Variants in FAM184A observed in about 807,000 individuals in gnomAD.
The protein encoded by FAM184A is protein FAM184A.
Under a neutral mutation model 143.8 loss-of-function variants are expected in FAM184A, and 99 were observed. That is an observed-to-expected ratio of 0.69 (90% CI 0.58 to 0.81). The LOEUF (loss-of-function observed/expected upper bound fraction) is 0.81, where lower values mean the gene tolerates loss of function less well. FAM184A is among the 40% of genes least tolerant of loss of function. FAM184A has a pLI of 0.00. For synonymous variants in FAM184A, 427 were observed against 446.4 expected (o/e 0.96, Z 0.55); for missense variants, 1,217 against 1,310.5 (o/e 0.93, Z 1.10).
intron 6 of FAM184A, among the ~76,000 whole-genome samples, chr6:119,010,924 G>A (rs1785067825): frequency 6.6e-6 from 1 of 152,090 alleles, no homozygotes; most frequent in South Asian, 2.1e-4. Context: ...CAATGTCACA[G>A]ACTGTAATTC....
At chr6:119,107,947 G>A (rs367880317) in intron 1 of FAM184A, among the ~76,000 whole-genome samples, 1 of 152,234 alleles carries the variant, frequency 6.6e-6, no homozygotes, top group African/African-American at 2.4e-5. Flanking sequence ...TATTTATTAG[G>A]TGACAACATT....
chr6:119,109,362 T>A (rs1788870846), intron 1 of FAM184A, among the ~76,000 whole-genome samples: 1 of 152,218 alleles, frequency 6.6e-6, no homozygotes, highest in Non-Finnish European at 1.5e-5. Flanking sequence ...CACTTAAACC[T>A]CAGCCTCTCT....
Position 119,024,539 on chromosome 6 carries a change from G to C in FAM184A, c.434C>G (p.Ala145Gly). The change falls in exon 2 of 18, where the codon GCC becomes GGC. Residue 145 changes from alanine (A) to glycine (G), a missense_variant. Coordinates refer to ENST00000338891, the MANE Select transcript of FAM184A (RefSeq NM_024581.6). ...GGTCACTATGCGTTGGACATGCTGGGCTTCTGCACAAAGTTGCATGTCCTC... is the reference window on the plus strand; with the variant it reads ...GGTCACTATGCGTTGGACATGCTGGCCTTCTGCACAAAGTTGCATGTCCTC... ...RVEDMQLCAE[A>G]QHVQRIVTMS... 6.2e-7 allele frequency: 1 copy of C among 1,613,984 alleles called. No individual in the cohort carries two copies. Among genetic ancestry groups the C allele is most frequent in the Non-Finnish European group, 8.5e-7 (1 of 1,179,996 alleles).
At chr6:119,071,848 T>G (rs1009415646) in intron 1 of FAM184A, among the ~76,000 whole-genome samples, 1 of 141,604 alleles carries the variant, frequency 7.1e-6, no homozygotes, top group African/African-American at 2.5e-5. Context: ...GTCTAAAGTC[T>G]AAACCTTTAA....
Position 119,078,334 on chromosome 6 carries a change from C to A in FAM184A, c.-35G>T, listed in dbSNP as rs1008789892. 7.0e-7 allele frequency: 1 copy of A among 1,422,726 alleles called. No individual in the cohort carries two copies. The highest frequency in any genetic ancestry group is 9.1e-7 in the Non-Finnish European group (1 of 1,093,662). The allele number at this position is 1,422,726 out of a possible 1,614,324, so 88.1% of individuals were successfully genotyped here. A position where few individuals can be genotyped will look rare whatever the true frequency, so the allele number is the denominator to read the frequency against. On this transcript the variant is annotated 5_prime_UTR_variant, in exon 1 of 18. Coordinates refer to ENST00000338891, the MANE Select transcript of FAM184A (RefSeq NM_024581.6). The surrounding 1 kb of genome is among the most constrained non-coding windows in gnomAD (Gnocchi z 5.5). ...AGACCCCAGCCGGGGCACCTGTCCCCGCGGGTGGAGGCAGGCCCGTGGAGC... is the reference window on the plus strand; with the variant it reads ...AGACCCCAGCCGGGGCACCTGTCCCAGCGGGTGGAGGCAGGCCCGTGGAGC...
chr6:119,061,802 A>G (rs1787261662), intron 1 of FAM184A, among the ~76,000 whole-genome samples: 1 of 152,116 alleles, frequency 6.6e-6, no homozygotes, highest in African/African-American at 2.4e-5. Context: ...AGGGATAGGG[A>G]AAGATTTGTT....
chr6:118,979,044 G>C (rs1265110389), intron 11 of FAM184A, among the ~76,000 whole-genome samples: 1 of 152,118 alleles, frequency 6.6e-6, no homozygotes, highest in African/African-American at 2.4e-5. Flanking sequence ...AGGACATGTG[G>C]CTCCATGTCC....
intron 1 of FAM184A, among the ~76,000 whole-genome samples, chr6:119,110,256 G>C (rs112341487): frequency 6.6e-6 from 1 of 152,102 alleles, no homozygotes; most frequent in Non-Finnish European, 1.5e-5. Flanking sequence ...TGGTCTCATC[G>C]TTACAGTATG....
At chr6:118,969,937 G>T in intron 14 of FAM184A, among the ~76,000 whole-genome samples, 1 of 127,714 alleles carries the variant, frequency 7.8e-6, no homozygotes, top group Admixed American at 8.6e-5. Flanking sequence ...TTTTAAGTTG[G>T]TTCTTTAATC....
rs764635593 is a variant in FAM184A, at chr6:119,024,418, C to T, written c.555G>A (p.Leu185=). 2.5e-6 allele frequency: 4 copies of T among 1,614,164 alleles called. No homozygotes were observed. The East Asian group carries it at 6.7e-5, about 27-fold the overall frequency. Residue 185 remains leucine, a synonymous_variant, in exon 2 of 18, where the codon TTG becomes TTA. Coordinates refer to ENST00000338891, the MANE Select transcript of FAM184A (RefSeq NM_024581.6). Reference sequence around the variant, plus strand: ...GAGCAGCTTGCAAGTCTTCCAATGCCAATCGTTTGTCTTTTTCAAACTGTA... The same window carrying T: ...GAGCAGCTTGCAAGTCTTCCAATGCTAATCGTTTGTCTTTTTCAAACTGTA... ...LQVQFEKDKR[L]ALEDLQAAHR...
chr6:119,103,940 A>C (rs1270527080), intron 1 of FAM184A, among the ~76,000 whole-genome samples: 1 of 124,960 alleles, frequency 8.0e-6, no homozygotes, highest in East Asian at 3.3e-4. Flanking sequence ...AAAAAAAAAA[A>C]AAAAAAAAAG....
chr6:119,132,384 A>T (rs1324551661), intron 1 of FAM184A, among the ~76,000 whole-genome samples: 1 of 152,194 alleles, frequency 6.6e-6, no homozygotes, highest in Non-Finnish European at 1.5e-5. Context: ...GGTAAATCCT[A>T]CTAGCTGGCT....
intron 1 of FAM184A, among the ~76,000 whole-genome samples, chr6:119,129,219 A>C (rs1209024547): frequency 6.6e-6 from 1 of 152,194 alleles, no homozygotes; most frequent in Non-Finnish European, 1.5e-5. Flanking sequence ...AAATGTAAGA[A>C]AACCAAGCTG....
At chr6:119,082,228 G>GTCAC (rs764847998), upstream of FAM184A, among the ~76,000 whole-genome samples, 5 of 152,152 alleles carry the variant, frequency 3.3e-5, no homozygotes, top group Non-Finnish European at 7.4e-5. Context: ...CCTCCCAGCA[G>GTCAC]GTCCCTCCCC....
chr6:119,001,081 G>A (rs1784741771), intron 9 of FAM184A, among the ~76,000 whole-genome samples: 1 of 149,504 alleles, frequency 6.7e-6, no homozygotes, highest in Admixed American at 6.7e-5. Context: ...CCATAACGAC[G>A]TTCCATTTAA....
intron 5 of FAM184A, 146 bp downstream of exon 5, chr6:119,016,601 G>C (rs1191252708): frequency 1.5e-6 from 1 of 655,388 alleles, no homozygotes. Context: ...CTCCAGACGC[G>C]CCACCTTAAG....
At chr6:119,016,716 C>T in intron 5 of FAM184A, 31 bp downstream of exon 5, 3 of 1,540,258 alleles carry the variant, frequency 1.9e-6, no homozygotes, top group Non-Finnish European at 2.7e-6. Context: ...CATCAATTTA[C>T]AATGCAATGA....
Position 119,006,601 on chromosome 6 carries a change from TGG to T in FAM184A, c.1659_1660del (p.His554ProfsTer9). On this transcript the variant is annotated frameshift_variant, in exon 7 of 18. Transcript: ENST00000338891. LOFTEE classifies it high-confidence loss of function. ...ACTTTTCCTTACCATATCTTGGAGG[TGG>T]CCAATCTGTAAGTAAATAGAGTACT... 6.2e-7 allele frequency: 1 copy of T among 1,610,404 alleles called. No homozygotes were observed. Among genetic ancestry groups the T allele is most frequent in the Non-Finnish European group, 8.5e-7 (1 of 1,178,460 alleles).
chr6:119,014,746 C>A (rs547105250), intron 5 of FAM184A, among the ~76,000 whole-genome samples: 1 of 152,288 alleles, frequency 6.6e-6, no homozygotes, highest in Non-Finnish European at 1.5e-5. Flanking sequence ...AGAATGATTA[C>A]AAGACAGAAA....
Sources: gnomAD v4.1 joint callset for allele counts (sites outside exome capture counted in the v4.1 genomes callset) on GRCh38, gnomAD v4.1.1 for gene constraint, Gnocchi (gnomAD v3.1) non-coding constraint, MANE v1.5 for transcripts, NCBI Gene and HGNC (gene_info 2026-07-23, HGNC 2026-07-21) for gene names.